Variants in HOMER2 observed in about 807,000 individuals in gnomAD.
HOMER2 encodes homer protein homolog 2.
A neutral mutation model predicts 47.0 loss-of-function variants in HOMER2; 27 were observed. That is an observed-to-expected ratio of 0.57 (90% CI 0.42 to 0.79). The LOEUF (loss-of-function observed/expected upper bound fraction) is 0.79, where lower values mean the gene tolerates loss of function less well. HOMER2 is among the 30% of genes least tolerant of loss of function. The probability of loss-of-function intolerance (pLI) is 0.00; values close to 1 mark genes in which losing one functional copy is unlikely to be tolerated. For missense variants in HOMER2, 443 were observed against 435.0 expected (o/e 1.02, Z -0.16); for synonymous variants, 161 against 163.8 (o/e 0.98, Z 0.13).
chr15:82,869,447 CATCT>C (rs2052104487), intron 3 of HOMER2, among the ~76,000 whole-genome samples: 1 of 112,054 alleles, frequency 8.9e-6, no homozygotes, highest in South Asian at 3.1e-4. Flanking sequence ...TTCTACTAAA[CATCT>C]TTTTTTTTTT....
chr15:82,955,314 C>T (rs1384435893), upstream of HOMER2, among the ~76,000 whole-genome samples: 4 of 151,934 alleles, frequency 2.6e-5, no homozygotes, highest in Non-Finnish European at 4.4e-5. Context: ...GGGCTACAAG[C>T]GCATGCCACC....
chr15:82,910,513 T>G (rs1483243166), intron 1 of HOMER2, among the ~76,000 whole-genome samples: 1 of 152,210 alleles, frequency 6.6e-6, no homozygotes, highest in Non-Finnish European at 1.5e-5. Context: ...GTAGTAATTC[T>G]GGTGCCTTAA....
intron 1 of HOMER2, among the ~76,000 whole-genome samples, chr15:82,974,611 T>C (rs2030137690): frequency 6.6e-6 from 1 of 152,174 alleles, no homozygotes; most frequent in Non-Finnish European, 1.5e-5. Context: ...TGGGATGATA[T>C]TGCACAGGGG....
chr15:82,908,531 C>G (rs1182115967), intron 1 of HOMER2, among the ~76,000 whole-genome samples: 3 of 152,150 alleles, frequency 2.0e-5, no homozygotes, highest in African/African-American at 7.2e-5. Flanking sequence ...TTAACCTTTA[C>G]AGGGACAGTA....
chr15:82,858,643 A>C (rs1567017041), intron 5 of HOMER2, among the ~76,000 whole-genome samples: 1 of 152,094 alleles, frequency 6.6e-6, no homozygotes, highest in Non-Finnish European at 1.5e-5. Context: ...CCTCCTCAAA[A>C]ACAAAACAAA....
intron 1 of HOMER2, among the ~76,000 whole-genome samples, chr15:82,908,270 G>A (rs1281967015): frequency 6.6e-6 from 1 of 152,188 alleles, no homozygotes; most frequent in African/African-American, 2.4e-5. Context: ...TGTATATTAT[G>A]TGAATTGTAT....
At chr15:82,980,691 G>C (rs2030362172) in intron 1 of HOMER2, among the ~76,000 whole-genome samples, 1 of 152,192 alleles carries the variant, frequency 6.6e-6, no homozygotes, top group Non-Finnish European at 1.5e-5. Context: ...GAGAAACTTG[G>C]AAACAAAGTG....
At chr15:82,890,477 T>C (rs1355762824) in intron 2 of HOMER2, among the ~76,000 whole-genome samples, 1 of 152,142 alleles carries the variant, frequency 6.6e-6, no homozygotes. Flanking sequence ...AGTGAGTCTA[T>C]AGCTTGATGA....
intron 1 of HOMER2, among the ~76,000 whole-genome samples, chr15:82,949,219 G>A (rs2054450468): frequency 6.6e-6 from 1 of 152,188 alleles, no homozygotes; most frequent in African/African-American, 2.4e-5. Context: ...ATCTGAGCTA[G>A]AAATTAAAGT....
chr15:82,985,587 G>T (rs143453814), intron 1 of HOMER2: 1 of 152,248 alleles, frequency 6.6e-6, no homozygotes, highest in Non-Finnish European at 1.5e-5. Context: ...ACAAAAACGG[G>T]TGCATAGCCT....
downstream of HOMER2, chr15:82,846,260 G>C (rs998790703): frequency 6.6e-6 from 1 of 152,128 alleles, no homozygotes; most frequent in Non-Finnish European, 1.5e-5. Flanking sequence ...AAGAACTCAG[G>C]GTGTGTTTGT....
upstream of HOMER2, chr15:82,985,941 A>G: frequency 2.2e-6 from 1 of 446,866 alleles, no homozygotes; most frequent in Non-Finnish European, 3.0e-6. Flanking sequence ...GGTGATTCCC[A>G]GAACTTCCGT....
chr15:82,903,145 G>A (rs1674182369), intron 1 of HOMER2, among the ~76,000 whole-genome samples: 2 of 152,210 alleles, frequency 1.3e-5, no homozygotes, highest in South Asian at 2.1e-4. Flanking sequence ...GGAAGAGACC[G>A]GAAGCTATTA....
chr15:82,974,600 C>A (rs1198384689), intron 1 of HOMER2, among the ~76,000 whole-genome samples: 1 of 152,110 alleles, frequency 6.6e-6, no homozygotes, highest in Non-Finnish European at 1.5e-5. Context: ...CCAAATATGA[C>A]TGGGATGATA....
chr15:82,976,246 G>A (rs1374895419), intron 1 of HOMER2, among the ~76,000 whole-genome samples: 4 of 151,578 alleles, frequency 2.6e-5, no homozygotes, highest in Non-Finnish European at 5.9e-5. Flanking sequence ...ATATCTAGTT[G>A]CAATTATCTC....
chr15:82,904,268 G>A (rs997451346), intron 1 of HOMER2, among the ~76,000 whole-genome samples: 1 of 152,212 alleles, frequency 6.6e-6, no homozygotes, highest in African/African-American at 2.4e-5. Context: ...ACTTACCAGA[G>A]CAGAAAGCCA....
chr15:82,920,165 C>A (rs2053691469), intron 1 of HOMER2, among the ~76,000 whole-genome samples: 1 of 152,202 alleles, frequency 6.6e-6, no homozygotes, highest in Admixed American at 6.5e-5. Flanking sequence ...GCCATCAATT[C>A]TTTTTGCCCA....
chr15:82,897,352 C>A (rs918324881), intron 1 of HOMER2, among the ~76,000 whole-genome samples: 1 of 152,126 alleles, frequency 6.6e-6, no homozygotes, highest in Non-Finnish European at 1.5e-5. Context: ...GCTTGAGCCA[C>A]TGCACCCAGC....
intron 1 of HOMER2, among the ~76,000 whole-genome samples, chr15:82,942,113 C>T (rs1246450320): frequency 1.3e-5 from 2 of 152,194 alleles, no homozygotes. Flanking sequence ...TGGATGTCAC[C>T]TCCTTCAGGA....
Sources: allele counts gnomAD v4.1 joint callset (sites outside exome capture counted in the v4.1 genomes callset), GRCh38; gene constraint gnomAD v4.1.1; transcripts MANE v1.5; gene names NCBI Gene and HGNC (gene_info 2026-07-23, HGNC 2026-07-21).